Variants in L3HYPDH observed in about 807,000 individuals in gnomAD.
The protein encoded by L3HYPDH is trans-3-hydroxy-L-proline dehydratase.
In L3HYPDH, 32 loss-of-function variants were observed where a neutral mutation model predicts 26.5. That is an observed-to-expected ratio of 1.21 (90% CI 0.91 to 1.62). The LOEUF (loss-of-function observed/expected upper bound fraction) is 1.62. L3HYPDH is among the 40% of genes most tolerant of loss of function. The probability of loss-of-function intolerance (pLI) is 0.00; values close to 1 mark genes in which losing one functional copy is unlikely to be tolerated. For synonymous variants in L3HYPDH, 215 were observed against 196.6 expected (o/e 1.09, Z -0.78); for missense variants, 554 against 476.4 (o/e 1.16, Z -1.52).
the L3HYPDH span, chr14:59,494,932 C>T: frequency 1.1e-6 from 1 of 926,698 alleles, no homozygotes; most frequent in Non-Finnish European, 1.7e-6. Context: ...ATTTAGAAAT[C>T]TGTATCTTGA....
At chr14:59,495,480 T>C in the L3HYPDH span, among the ~76,000 whole-genome samples, 1 of 152,196 alleles carries the variant, frequency 6.6e-6, no homozygotes, top group African/African-American at 2.4e-5. Flanking sequence ...AACTTACATA[T>C]AGGAGGCACT....
Position 59,473,075 on chromosome 14 carries a change from C to A in L3HYPDH, c.955G>T (p.Asp319Tyr). The A allele has an allele frequency of 1.9e-6, 3 of 1,592,680 alleles. No individual in the cohort carries two copies. The South Asian group carries it at 3.5e-5, about 18-fold the overall frequency. ...ACTTCCACTATAACAGCTTTAAAAT[C>A]ACCACATTTCGCTTCCTGAAAAAAG... ...GKAVREAKCG[D>Y]FKAVIVEVSG... is the part of the protein sequence containing the mutation. The change falls in exon 5 of 5, where the codon GAT becomes TAT. Residue 319 changes from aspartate to tyrosine, a missense_variant. Transcript: ENST00000247194.
rs1379985262 is a variant in L3HYPDH, at chr14:59,483,984, C to T, written c.333G>A (p.Leu111=). 2 of 1,584,720 alleles carry T rather than the reference C, an allele frequency of 1.3e-6. No individual in the cohort carries two copies. ...SSMCGHAVLA[L]GRFALDFGLV... ...GCCCGAAGTCCAAAGCGAAGCGGCC[C>T]AGCGCCAGCACTGCGTGGCCGCACA... The change falls in exon 1 of 5, where the codon CTG becomes CTA. Residue 111 remains leucine (L), a synonymous_variant. Coordinates refer to ENST00000247194, the MANE Select transcript of L3HYPDH (RefSeq NM_144581.2).
intron 2 of L3HYPDH, among the ~76,000 whole-genome samples, chr14:59,478,204 G>A (rs916516731): frequency 6.6e-6 from 1 of 152,068 alleles, no homozygotes; most frequent in African/African-American, 2.4e-5. Flanking sequence ...AAAATTTGCA[G>A]AATTCTATAA....
At chr14:59,489,339 A>G (rs1353298727), upstream of L3HYPDH, among the ~76,000 whole-genome samples, 4 of 152,164 alleles carry the variant, frequency 2.6e-5, no homozygotes, top group African/African-American at 7.2e-5. Flanking sequence ...TTAAGTTCCA[A>G]CTTCCACAGA....
upstream of L3HYPDH, among the ~76,000 whole-genome samples, chr14:59,488,077 A>G (rs183705874): frequency 1.3e-5 from 2 of 152,250 alleles, no homozygotes; most frequent in Non-Finnish European, 2.9e-5. Context: ...CTTCTCAACT[A>G]TAATCCTTAT....
downstream of L3HYPDH, chr14:59,472,549 A>AG (rs1407535474): frequency 6.4e-6 from 1 of 155,118 alleles, no homozygotes; most frequent in Non-Finnish European, 1.4e-5. Flanking sequence ...TGCTGCTTAT[A>AG]GAGAGGGCAT....
At chr14:59,471,625 C>A (rs901678608), downstream of L3HYPDH, among the ~76,000 whole-genome samples, 4 of 152,294 alleles carry the variant, frequency 2.6e-5, no homozygotes, top group African/African-American at 9.6e-5. Context: ...CTACCCCCTA[C>A]CCTGATGGCC....
chr14:59,469,420 T>C (rs530585279), downstream of L3HYPDH, among the ~76,000 whole-genome samples: 41 of 152,002 alleles, frequency 2.7e-4, no homozygotes, highest in Non-Finnish European at 5.3e-4. Context: ...CTGAACGTAG[T>C]GGCAGGCACC....
chr14:59,484,686 C>T (rs1890374171), upstream of L3HYPDH: 2 of 1,450,818 alleles, frequency 1.4e-6, no homozygotes, highest in East Asian at 2.5e-5. Context: ...TGTAGGCGGC[C>T]TTCGGTTGGC....
downstream of L3HYPDH, among the ~76,000 whole-genome samples, chr14:59,472,238 G>A (rs1267690807): frequency 6.6e-6 from 1 of 152,204 alleles, no homozygotes; most frequent in Non-Finnish European, 1.5e-5. Flanking sequence ...AGCTGATAGA[G>A]TATGAGACTC....
At chr14:59,484,422 C>CG (rs1890336137), upstream of L3HYPDH, 11 of 1,371,056 alleles carry the variant, frequency 8.0e-6, no homozygotes, top group East Asian at 2.3e-5. Context: ...CAGCCACGTC[C>CG]GGGGGGCGGG....
chr14:59,494,218 G>A, the L3HYPDH span, among the ~76,000 whole-genome samples: 1 of 151,786 alleles, frequency 6.6e-6, no homozygotes, highest in African/African-American at 2.4e-5. Context: ...TAAAAGCCTG[G>A]TGTATTAAAA....
chr14:59,479,160 A>T, intron 2 of L3HYPDH, 22 bp downstream of exon 2: 1 of 1,556,928 alleles, frequency 6.4e-7, no homozygotes, highest in Non-Finnish European at 8.7e-7. Context: ...GGAATTGGTT[A>T]TGAAGGCAGA....
rs766387442 is a variant in L3HYPDH, at chr14:59,483,829, G to T, written c.488C>A (p.Pro163Gln). ...SHGPVRFHSV[P>Q]AFVLATDLMV... ...ATTACCTGTGGCCAGCACGAAGGCC[G>T]GGACGCTGTGGAAGCGCACCGGTCC... The change falls in exon 1 of 5, where the codon CCG becomes CAG. Residue 163 changes from proline to glutamine, a missense_variant. Coordinates refer to ENST00000247194, the MANE Select transcript of L3HYPDH (RefSeq NM_144581.2). 1.3e-6 allele frequency: 2 copies of T among 1,590,832 alleles called. No homozygotes were observed. The highest frequency in any genetic ancestry group is 2.3e-5 in the East Asian group (1 of 44,284).
chr14:59,476,709 T>G (rs1231408355), intron 2 of L3HYPDH, among the ~76,000 whole-genome samples: 1 of 152,208 alleles, frequency 6.6e-6, no homozygotes, highest in Non-Finnish European at 1.5e-5. Context: ...TATAACATTC[T>G]GTAAGAATGC....
chr14:59,503,981 C>T, the L3HYPDH span: 2 of 1,613,764 alleles, frequency 1.2e-6, no homozygotes, highest in African/African-American at 2.7e-5. Flanking sequence ...CCCCTTTTGG[C>T]TTTGGTACCT....
Position 59,483,934 on chromosome 14 carries a change from G to C in L3HYPDH, c.383C>G (p.Thr128Ser), listed in dbSNP as rs778118489. 1 of 1,555,232 alleles carries C rather than the reference G, an allele frequency of 6.4e-7. No homozygotes were observed. Among genetic ancestry groups the C allele is most frequent in the South Asian group, 1.2e-5 (1 of 86,040 alleles). Reference protein sequence around the residue: ...FGLVPAPPAGTREARVNIHCP... With the variant: ...FGLVPAPPAGSREARVNIHCP... The stretch of plus-strand genomic sequence containing the variant: ...GTGGATATTGACGCGGGCCTCGCGG[G>C]TGCCCGCAGGGGGCGCCGGCACAAG... The change falls in exon 1 of 5, where the codon ACC becomes AGC. Residue 128 changes from threonine to serine, a missense_variant. Transcript: ENST00000247194.
At chr14:59,505,185 T>C in the L3HYPDH span, 5 of 923,136 alleles carry the variant, frequency 5.4e-6, no homozygotes, top group Non-Finnish European at 6.3e-6. Context: ...GTAAGTGCAC[T>C]CACTTTTCCT....
Sources: allele counts gnomAD v4.1 joint callset (sites outside exome capture counted in the v4.1 genomes callset), GRCh38; gene constraint gnomAD v4.1.1; transcripts MANE v1.5; gene names NCBI Gene and HGNC (gene_info 2026-07-23, HGNC 2026-07-21).